TYK2: variants seen among roughly 807,000 people sequenced by gnomAD.
TYK2 encodes non-receptor tyrosine-protein kinase TYK2.
TYK2 carries 65 observed loss-of-function variants against 130.9 expected under a neutral mutation model. The observed-to-expected ratio is 0.50, with a 90% CI of 0.41 to 0.61. The LOEUF (loss-of-function observed/expected upper bound fraction) is 0.61. TYK2 is among the 20% of genes least tolerant of loss of function. TYK2 has a pLI of 0.00. For missense variants in TYK2, 1,378 were observed against 1,610.7 expected (o/e 0.86, Z 2.47); for synonymous variants, 647 against 658.9 (o/e 0.98, Z 0.28).
At chr19:10,352,817 C>A in intron 22 of TYK2, 109 bp downstream of exon 22, 6 of 1,398,000 alleles carry the variant, frequency 4.3e-6, no homozygotes, top group Non-Finnish European at 5.8e-6. Context: ...TAGGCCCCGC[C>A]GCGCTTCACT....
rs576040493 is a variant in TYK2, at chr19:10,372,241, C to T, written c.194-3823G>A. 1.1e-4 allele frequency among the ~76,000 whole-genome samples: 16 copies of T among 150,300 alleles called. No homozygotes were observed. In the South Asian group the frequency reaches 3.3e-3, roughly 31 times the overall value. Reference sequence around the variant, plus strand: ...ATCTCCTGACCTCATGATTCGCCCACCTCAGCCTCCCAAAGTGCTGGGATT... The same window carrying T: ...ATCTCCTGACCTCATGATTCGCCCATCTCAGCCTCCCAAAGTGCTGGGATT... On this transcript the variant is annotated intron_variant, in intron 3 of 24. Coordinates refer to ENST00000525621, the MANE Select transcript of TYK2 (RefSeq NM_003331.5).
chr19:10,351,686 G>A (rs1311224916), intron 23 of TYK2, among the ~76,000 whole-genome samples: 3 of 152,132 alleles, frequency 2.0e-5, no homozygotes, highest in Admixed American at 6.6e-5. Context: ...TAGAGTAAGC[G>A]TGAGTCAGGT....
intron 22 of TYK2, 64 bp from the exon 23 acceptor site, chr19:10,352,615 C>A: frequency 1.2e-6 from 1 of 855,632 alleles, no homozygotes; most frequent in Non-Finnish European, 1.9e-6. Flanking sequence ...TCAGACCAGG[C>A]TGAAGCCCTC....
At position 10,356,495 on chromosome 19, in the gene TYK2, C is replaced by T. The variant is rs180902143; in HGVS notation, c.2617+73G>A. The T allele has an allele frequency of 2.8e-4, 445 of 1,583,278 alleles. No individual in the cohort carries two copies. The African/African-American group carries it at 3.0e-3, about 11-fold the overall frequency. ...AACCACTGTGCAGAGACCTCTCGTG[C>T]GCTATAGGCATACAGCAGGGATCCC... On this transcript the variant is annotated intron_variant, in intron 18 of 24. Transcript: ENST00000525621.
rs1017537733 is a variant in TYK2, at chr19:10,359,199, C to T, written c.2151G>A (p.Gln717=). The T allele has an allele frequency of 1.2e-5, 19 of 1,605,828 alleles. No individual in the cohort carries two copies. Among genetic ancestry groups the T allele is most frequent in the Non-Finnish European group, 1.5e-5 (18 of 1,179,864 alleles). ...CCAGGTAGCTGAGGGCGCTGGCCAG[C>T]TGCTGGGCCACCACCATCTTCCAAG... The part of the protein sequence containing the change: ...PMAWKMVVAQ[Q]LASALSYLEN... The change falls in exon 15 of 25, where the codon CAG becomes CAA. Residue 717 remains glutamine, a synonymous_variant. Transcript: ENST00000525621.
Position 10,361,177 on chromosome 19 carries a change from A to G in TYK2, c.2047+334T>C. On this transcript the variant is annotated intron_variant, in intron 14 of 24. Coordinates refer to ENST00000525621, the MANE Select transcript of TYK2 (RefSeq NM_003331.5). This position sits in a 1 kb window ranked among gnomAD's most constrained non-coding sequence, Gnocchi z 4.0. The stretch of plus-strand genomic sequence containing the variant: ...AGCACTGGAGTCTGCCTGAGGCCAT[A>G]GTGCTGATGGGGCCAGGAGCAGATG... The G allele has an allele frequency of 1.9e-6, 1 of 528,020 alleles. No homozygotes were observed. The highest frequency in any genetic ancestry group is 3.5e-6 in the Non-Finnish European group (1 of 283,598). 32.7% of individuals were successfully genotyped at this position (528,020 alleles called of 1,614,324 possible). A position where few individuals can be genotyped will look rare whatever the true frequency, so the allele number is the denominator to read the frequency against.
At chr19:10,352,805 G>A (rs2040878654) in intron 22 of TYK2, 121 bp downstream of exon 22, 5 of 1,332,724 alleles carry the variant, frequency 3.8e-6, no homozygotes, top group Non-Finnish European at 5.1e-6. Context: ...CCCCCGCACC[G>A]CTAGGCCCCG....
Position 10,380,378 on chromosome 19 carries a change from A to G in TYK2, c.-186+2T>C, listed in dbSNP as rs2042320395. On this transcript the variant is annotated splice_donor_variant, in intron 1 of 24. Coordinates refer to ENST00000525621, the MANE Select transcript of TYK2 (RefSeq NM_003331.5). LOFTEE classifies it low-confidence loss of function (5UTR_SPLICE). ...ACGGCGGGAACTGGGATGTGCACCC[A>G]CCGGGCATCGGAGCAGTCCCGAGGC... 6.6e-6 allele frequency: 1 copy of G among 152,318 alleles called. No individual in the cohort carries two copies. Among genetic ancestry groups the G allele is most frequent in the South Asian group, 2.1e-4 (1 of 4,846 alleles). 9.4% of individuals were successfully genotyped at this position (152,318 alleles called of 1,614,324 possible).
intron 3 of TYK2, among the ~76,000 whole-genome samples, chr19:10,377,876 GCGTGGGTGGATGGA>G: frequency 1.6e-5 from 1 of 64,460 alleles, no homozygotes; most frequent in Non-Finnish European, 3.2e-5. Flanking sequence ...GTGGATGGAT[GCGTGGGTGGATGGA>G]TGGGTGGGTG....
At chr19:10,358,245 A>T in intron 15 of TYK2, 107 bp from the exon 16 acceptor site, 1 of 1,065,324 alleles carries the variant, frequency 9.4e-7, no homozygotes, top group Non-Finnish European at 1.3e-6. Context: ...AACTGTGACT[A>T]TCACTGGGTT....
chr19:10,354,313 T>G, intron 19 of TYK2, 79 bp from the exon 20 acceptor site: 1 of 1,543,852 alleles, frequency 6.5e-7, no homozygotes, highest in Non-Finnish European at 8.8e-7. Context: ...CCCGGGCCAC[T>G]CCTCCAGGCA....
intron 2 of TYK2, among the ~76,000 whole-genome samples, chr19:10,379,256 G>T (rs1053027952): frequency 6.6e-6 from 1 of 152,070 alleles, no homozygotes; most frequent in Non-Finnish European, 1.5e-5. Context: ...CTGAGCCCAG[G>T]AGTTGGAGGC....
At chr19:10,354,307 G>A in intron 19 of TYK2, 73 bp from the exon 20 acceptor site, 1 of 1,561,508 alleles carries the variant, frequency 6.4e-7, no homozygotes, top group Non-Finnish European at 8.7e-7. Context: ...CGATTTCCCG[G>A]GCCACTCCTC....
In TYK2 at chr19:10,365,521, T is replaced by A; in HGVS notation, c.1007A>T (p.Glu336Val). ...WWPVEEEVNK[E>V]EGSSGSSGRN... Reference sequence around the variant, plus strand: ...CGGAAGGGGCGCCTTGCTCACCTCCTCCTTGTTCACCTCCTCCTCTACTGG... The same window carrying A: ...CGGAAGGGGCGCCTTGCTCACCTCCACCTTGTTCACCTCCTCCTCTACTGG... The change falls in exon 7 of 25, where the codon GAG (glutamate) becomes GTG (valine). Residue 336 changes from glutamate (E) to valine (V), a missense_variant. Transcript: ENST00000525621. The A allele has an allele frequency of 6.2e-7, 1 of 1,613,900 alleles. No homozygotes were observed.
chr19:10,357,970 C>T (rs2041186911), intron 16 of TYK2, 33 bp downstream of exon 16: 1 of 1,613,454 alleles, frequency 6.2e-7, no homozygotes, highest in Non-Finnish European at 8.5e-7. Flanking sequence ...AGGGGAAGCC[C>T]CCCACTGTGC....
chr19:10,356,868 G>A, intron 17 of TYK2, 150 bp from the exon 18 acceptor site: 1 of 774,210 alleles, frequency 1.3e-6, no homozygotes, highest in South Asian at 1.6e-5. Context: ...GCTCCACAAA[G>A]TGGGAGGACG....
chr19:10,377,617 T>G (rs995517501), intron 3 of TYK2, among the ~76,000 whole-genome samples: 1 of 64,722 alleles, frequency 1.5e-5, no homozygotes, highest in Non-Finnish European at 3.0e-5. Context: ...GGTGGATGGA[T>G]GGGTGGATGG....
Position 10,356,583 on chromosome 19 carries a change from G to A in TYK2, c.2602C>T (p.Arg868Trp), listed in dbSNP as rs762311335. ...SFRTILRDLTRLQPHNLADVL... is the reference protein window; with the variant it reads ...SFRTILRDLTWLQPHNLADVL... ...TGGAGCTCACTGTGGGGCTGCAGCC[G>A]GGTGAGGTCACGCAGGATGGTGCGG... The change falls in exon 18 of 25, where the codon CGG becomes TGG. Residue 868 changes from arginine (R) to tryptophan (W), a missense_variant. Arg to Trp is a moderately radical substitution (Grantham distance 101). Coordinates refer to ENST00000525621, the MANE Select transcript of TYK2 (RefSeq NM_003331.5). 43 of 1,613,300 alleles carry A rather than the reference G, an allele frequency of 2.7e-5. No homozygotes were observed. Among genetic ancestry groups the A allele is most frequent in the East Asian group, 4.5e-5 (2 of 44,888 alleles).
At position 10,364,881 on chromosome 19, in the gene TYK2, GAC is replaced by G. The variant is rs1419978630; in HGVS notation, c.1177_1178del (p.Val393GlnfsTer98). ...ACTTGTTGTCCTGCCGGTGGATGCT[GAC>G]ACAGTGCTCTTTCAGCACCACGTGG... The part of the protein sequence containing the change: ...ITHVVLKEHC[V>X]SIHRQDNKCL... On this transcript the variant is annotated frameshift_variant, in exon 8 of 25. Transcript: ENST00000525621. LOFTEE classifies it high-confidence loss of function. The surrounding 1 kb of genome is among the most constrained non-coding windows in gnomAD (Gnocchi z 4.9). The G allele has an allele frequency of 1.2e-6, 2 of 1,614,062 alleles. No individual in the cohort carries two copies. Among genetic ancestry groups the G allele is most frequent in the Non-Finnish European group, 1.7e-6 (2 of 1,180,060 alleles).
Sources: allele counts gnomAD v4.1 joint callset (sites outside exome capture counted in the v4.1 genomes callset), GRCh38; gene constraint gnomAD v4.1.1; non-coding constraint Gnocchi (gnomAD v3.1); transcripts MANE v1.5; gene names NCBI Gene and HGNC (gene_info 2026-07-23, HGNC 2026-07-21).